FANCA: variants seen among roughly 807,000 people sequenced by gnomAD.
The protein encoded by FANCA is FA complementation group A, also known as Fanconi anemia group A protein.
FANCA carries 236 observed loss-of-function variants against 194.3 expected under a neutral mutation model. That is an observed-to-expected ratio of 1.21 (90% CI 1.09 to 1.35). FANCA has a LOEUF of 1.35. Among genes scored for constraint, FANCA ranks in the 40% most tolerant of loss-of-function variants. FANCA has a pLI of 0.00. For synonymous variants in FANCA, 1,014 were observed against 715.8 expected, an observed-to-expected ratio of 1.42 and a Z score of -6.65; for missense variants, 2,628 against 1,813.9, an observed-to-expected ratio of 1.45 and a Z score of -8.15.
chr16:89,804,824 G>A (rs1028141717), intron 7 of FANCA, among the ~76,000 whole-genome samples: 2 of 152,180 alleles, frequency 1.3e-5, no homozygotes, highest in Non-Finnish European at 1.5e-5. Context: ...ACGAGGTCAG[G>A]AGTTCAAGAG....
chr16:89,738,535 C>T lies in FANCA; in HGVS notation c.*66G>A. 4 of 1,605,962 alleles carry T rather than the reference C, an allele frequency of 2.5e-6. No individual in the cohort carries two copies. Among genetic ancestry groups the T allele is most frequent in the Non-Finnish European group, 2.6e-6 (3 of 1,174,884 alleles). The stretch of plus-strand genomic sequence containing the variant: ...AATCCACTTTTTAGTGCAACAAGAG[C>T]TCCATGTTATGCTTGTAATAAATTA... On this transcript the variant is annotated 3_prime_UTR_variant, in exon 43 of 43. Transcript: ENST00000389301.
In FANCA at chr16:89,738,773, C is replaced by T. The variant is rs1376921169; in HGVS notation, c.4261-65G>A. The T allele has an allele frequency of 1.9e-6, 3 of 1,612,246 alleles. No individual in the cohort carries two copies. In the African/African-American group the frequency reaches 4.0e-5, roughly 22 times the overall value. On this transcript the variant is annotated intron_variant, in intron 42 of 42. Transcript: ENST00000389301. ...TAGGCCTCAGACCACAGGGGAGGGG[C>T]TCTGGCAGAAATAGTCGAGTTGTAT...
chr16:89,750,926 C>A (rs1406713300), intron 31 of FANCA, among the ~76,000 whole-genome samples: 1 of 152,162 alleles, frequency 6.6e-6, no homozygotes, highest in East Asian at 1.9e-4. Flanking sequence ...CAGTCTCAGT[C>A]CGGTTGCCCA....
intron 31 of FANCA, 32 bp from the exon 32 acceptor site, chr16:89,749,934 G>A (rs544337312): frequency 6.2e-7 from 1 of 1,612,524 alleles, no homozygotes; most frequent in Admixed American, 1.7e-5. Context: ...GCACAGGAAG[G>A]CCTCGGGGCT....
rs534089234 is a variant in FANCA, at chr16:89,749,608, G to A, written c.3239+122C>T. The A allele has an allele frequency of 2.5e-5, 31 of 1,234,476 alleles. No individual in the cohort carries two copies. In the South Asian group the frequency reaches 2.9e-4, roughly 11 times the overall value. The allele number at this position is 1,234,476 out of a possible 1,614,324, so 76.5% of individuals were successfully genotyped here. A position where few individuals can be genotyped will look rare whatever the true frequency, so the allele number is the denominator to read the frequency against. The stretch of plus-strand genomic sequence containing the variant: ...TGCCACAGAAATGGACAGGCTTGGG[G>A]TGGGGACACACAGACAAGTAAGTAA... On this transcript the variant is annotated intron_variant, in intron 32 of 42. Transcript: ENST00000389301.
intron 3 of FANCA, 112 bp from the exon 4 acceptor site, chr16:89,811,183 C>G: frequency 7.2e-7 from 1 of 1,398,454 alleles, no homozygotes; most frequent in Non-Finnish European, 9.9e-7. Flanking sequence ...AAAAAAATTG[C>G]CTTTTAAACG....
intron 27 of FANCA, among the ~76,000 whole-genome samples, chr16:89,765,788 T>C (rs2039106588): frequency 6.6e-6 from 1 of 152,208 alleles, no homozygotes; most frequent in Non-Finnish European, 1.5e-5. Flanking sequence ...TGCCCTCTCC[T>C]AAGCTCAAAC....
chr16:89,814,586 A>C lies in FANCA; in HGVS notation c.217T>G (p.Ser73Ala). 1 of 1,613,802 alleles carries C rather than the reference A, an allele frequency of 6.2e-7. No homozygotes were observed. Reference protein sequence around the residue: ...EVEGPLCKKLSLSKVIDCDSS... With the variant: ...EVEGPLCKKLALSKVIDCDSS... ...TCACAGTCAATCACTTTGCTGAGAG[A>C]CAATTTTTTACACAGTGGACCTTCT... The change falls in exon 3 of 43, where the codon TCT (serine) becomes GCT (alanine). Residue 73 changes from serine to alanine, a missense_variant. By Grantham distance (99) the Ser-to-Ala change is moderately conservative (BLOSUM62 1). Transcript: ENST00000389301.
intron 20 of FANCA, among the ~76,000 whole-genome samples, chr16:89,776,256 C>T (rs2039501894): frequency 1.3e-5 from 2 of 149,476 alleles, no homozygotes; most frequent in South Asian, 2.1e-4. Flanking sequence ...CAACCTCCGC[C>T]TCCCAGGTTC....
chr16:89,754,323 G>A (rs1447291317), intron 30 of FANCA, among the ~76,000 whole-genome samples: 4 of 151,902 alleles, frequency 2.6e-5, no homozygotes, highest in Non-Finnish European at 5.9e-5. Context: ...CATCCAGATA[G>A]GAAAGGAAAA....
Position 89,748,725 on chromosome 16 carries a change from G to A in FANCA, c.3282C>T (p.Ser1094=), listed in dbSNP as rs761244757. 1.2e-6 allele frequency: 2 copies of A among 1,614,148 alleles called. No individual in the cohort carries two copies. Among genetic ancestry groups the A allele is most frequent in the South Asian group, 1.1e-5 (1 of 91,078 alleles). The change falls in exon 33 of 43, where the codon AGC becomes AGT. Residue 1094 remains serine, a synonymous_variant. Transcript: ENST00000389301. The part of the protein sequence containing the change: ...RLPSSVLCGS[S]FQAEQPITAR... The stretch of plus-strand genomic sequence containing the variant: ...CAGTGATGGGCTGTTCTGCCTGGAA[G>A]CTGCTGCCGCAGAGGACAGACGAAG...
intron 8 of FANCA, 132 bp downstream of exon 8, chr16:89,803,122 CACAAA>C: frequency 1.2e-6 from 1 of 846,404 alleles, no homozygotes; most frequent in Admixed American, 1.9e-5. Context: ...ACACTCTATG[CACAAA>C]ACAAGTATCA....
chr16:89,742,331 A>C (rs2062154208), intron 37 of FANCA, among the ~76,000 whole-genome samples: 1 of 151,898 alleles, frequency 6.6e-6, no homozygotes, highest in Non-Finnish European at 1.5e-5. Context: ...GGTGGCACAC[A>C]CCTGTAGTCT....
At position 89,796,030 on chromosome 16, in the gene FANCA, G is replaced by A. The variant is rs781683306; in HGVS notation, c.894-12C>T. ...TGAACACTCCGAACCTGCCAATGCA[G>A]CAGAAAGAGGGGTCAGGAAAGGGAG... On this transcript the variant is annotated splice_polypyrimidine_tract_variant and intron_variant, in intron 10 of 42. Transcript: ENST00000389301. The A allele has an allele frequency of 1.9e-6, 3 of 1,604,244 alleles. No individual in the cohort carries two copies. Among genetic ancestry groups the A allele is most frequent in the South Asian group, 2.2e-5 (2 of 90,896 alleles).
At chr16:89,812,660 A>AAAAAAAAAAAC (rs1567655734) in intron 3 of FANCA, among the ~76,000 whole-genome samples, 2 of 149,636 alleles carry the variant, frequency 1.3e-5, no homozygotes, top group Admixed American at 6.7e-5. Flanking sequence ...AAAAAAAAAA[A>AAAAAAAAAAAC]AAAAAAAAAA....
chr16:89,807,145 G>A (rs1283456590), intron 6 of FANCA, among the ~76,000 whole-genome samples: 1 of 151,174 alleles, frequency 6.6e-6, no homozygotes, highest in Non-Finnish European at 1.5e-5. Flanking sequence ...AGATTTTGGT[G>A]CTGAGATAAG....
In FANCA at chr16:89,770,667, C is replaced by A. The variant is rs201891251; in HGVS notation, c.2152-33G>T. On this transcript the variant is annotated intron_variant, in intron 23 of 42. Transcript: ENST00000389301. ...GACACAGTTCTCATGAGCGTGGTGT[C>A]CTGGGGACGGGAGCAGCAGGAAGGA... The A allele has an allele frequency of 2.5e-6, 4 of 1,569,116 alleles. No individual in the cohort carries two copies. The African/African-American group carries it at 4.1e-5, about 16-fold the overall frequency.
chr16:89,799,764 C>G (rs1276551395), intron 8 of FANCA, 126 bp from the exon 9 acceptor site: 2 of 777,258 alleles, frequency 2.6e-6, no homozygotes, highest in African/African-American at 3.4e-5. Context: ...GAGGCCGAGG[C>G]GGGCGGATCA....
intron 14 of FANCA, among the ~76,000 whole-genome samples, chr16:89,787,359 T>C (rs990830489): frequency 2.0e-5 from 3 of 152,052 alleles, no homozygotes; most frequent in African/African-American, 7.2e-5. Context: ...CTGTCTCTAC[T>C]AAAAATACAA....
Sources: allele counts gnomAD v4.1 joint callset (sites outside exome capture counted in the v4.1 genomes callset), GRCh38; gene constraint gnomAD v4.1.1; transcripts MANE v1.5; gene names NCBI Gene and HGNC (gene_info 2026-07-23, HGNC 2026-07-21).